The following LIN7C variants were observed in gnomAD, a reference collection of about 807,000 sequenced individuals.
LIN7C encodes the protein protein lin-7 homolog C.
LIN7C carries 17 observed loss-of-function variants against 24.7 expected under a neutral mutation model. The observed-to-expected ratio is 0.69, with a 90% confidence interval of 0.47 to 1.03. The LOEUF is 1.03. LIN7C is among the 50% of genes least tolerant of loss of function. The pLI, the probability that LIN7C is intolerant of heterozygous loss-of-function variation, is 0.00. For missense variants in LIN7C, 204 were observed against 239.0 expected, an observed-to-expected ratio of 0.85 and a Z score of 0.97; for synonymous variants, 90 against 83.4, an observed-to-expected ratio of 1.08 and a Z score of -0.43.
chr11:27,502,818 A>T (rs1024706760), intron 1 of LIN7C, among the ~76,000 whole-genome samples: 1 of 152,252 alleles, frequency 6.6e-6, no homozygotes, highest in Non-Finnish European at 1.5e-5. Flanking sequence ...CCAATTAATC[A>T]TAAGAAATAT....
At chr11:27,506,092 C>G (rs1565115400) in intron 1 of LIN7C, among the ~76,000 whole-genome samples, 1 of 152,200 alleles carries the variant, frequency 6.6e-6, no homozygotes, top group Non-Finnish European at 1.5e-5. Flanking sequence ...AAATGAAAAA[C>G]ACTGCACCTG....
rs767438990 is a variant in LIN7C, at chr11:27,506,733, G to A, written c.20C>T (p.Pro7Leu). Residue 7 changes from proline (P) to leucine (L), a missense_variant, in exon 1 of 5, where the codon CCC becomes CTC. Pro to Leu is a moderately conservative substitution (Grantham distance 98, BLOSUM62 -3). This residue lies in a region of LIN7C where 126 missense variants were observed against 117.8 expected (regional missense o/e 1.07). Transcript: ENST00000278193. ...GCACTCACCTCTCTCCAGCCGCACGGGTTCCCCTAGCGCCGCCATCTTCTC... is the reference window on the plus strand; with the variant it reads ...GCACTCACCTCTCTCCAGCCGCACGAGTTCCCCTAGCGCCGCCATCTTCTC... The part of the protein sequence containing the change: MAALGE[P>L]VRLERDICRA... 1.9e-6 allele frequency: 3 copies of A among 1,614,084 alleles called. No homozygotes were observed. Among genetic ancestry groups the A allele is most frequent in the African/African-American group, 2.7e-5 (2 of 75,028 alleles).
In LIN7C at chr11:27,501,575, G is replaced by C; in HGVS notation, c.157-9C>G. ...TAGACATGTTCATATACCTGTAAAA[G>C]CCAAAGTTATATCTCAGAATATACC... On this transcript the variant is annotated splice_polypyrimidine_tract_variant and intron_variant, in intron 2 of 4. Coordinates refer to ENST00000278193, the MANE Select transcript of LIN7C (RefSeq NM_018362.4). 6.5e-7 allele frequency: 1 copy of C among 1,550,262 alleles called. No individual in the cohort carries two copies. The highest frequency in any genetic ancestry group is 8.7e-7 in the Non-Finnish European group (1 of 1,142,988).
rs1439349550 is a variant in LIN7C at position 27,498,002 on chromosome 11, C to T, written c.*647G>A. ...GATTGTTTCAGTGTTTAAAAACTTACTTTCATAAATCAGTATAAATGAATA... is the reference window on the plus strand; with the variant it reads ...GATTGTTTCAGTGTTTAAAAACTTATTTTCATAAATCAGTATAAATGAATA... On this transcript the variant is annotated 3_prime_UTR_variant, in exon 5 of 5. Transcript: ENST00000278193. The T allele has an allele frequency of 6.6e-6, 1 of 152,050 alleles. No homozygotes were observed. The highest frequency in any genetic ancestry group is 1.5e-5 in the Non-Finnish European group (1 of 67,958). 9.4% of individuals were successfully genotyped at this position (152,050 alleles called of 1,614,324 possible).
intron 1 of LIN7C, among the ~76,000 whole-genome samples, 196 bp from the exon 2 acceptor site, chr11:27,502,116 T>C (rs1489991723): frequency 3.9e-5 from 6 of 152,120 alleles, no homozygotes; most frequent in African/African-American, 9.7e-5. Context: ...GAATGTAAAA[T>C]GTAAGAACAC....
intron 1 of LIN7C, among the ~76,000 whole-genome samples, chr11:27,504,656 T>C (rs1865255695): frequency 6.6e-6 from 1 of 152,210 alleles, no homozygotes; most frequent in African/African-American, 2.4e-5. Context: ...GATCTGCAGA[T>C]GCTCAAGTCT....
chr11:27,506,602 A>C (rs1341905592), intron 1 of LIN7C, 114 bp downstream of exon 1: 18 of 1,249,246 alleles, frequency 1.4e-5, no homozygotes, highest in Non-Finnish European at 2.1e-5. Context: ...TGGCGCCGGC[A>C]CAAGGGACAG....
rs551841533 is a variant in LIN7C, at chr11:27,496,983, A to G, written c.*1666T>C. ...TAAATTAAGTCCATACTTCTATACT[A>G]CTTTGGTCTCAACATTTTTAAAACA... On this transcript the variant is annotated 3_prime_UTR_variant, in exon 5 of 5. Coordinates refer to ENST00000278193, the MANE Select transcript of LIN7C (RefSeq NM_018362.4). 3 of 152,672 alleles carry G rather than the reference A, an allele frequency of 2.0e-5. No homozygotes were observed. In the South Asian group the frequency reaches 6.2e-4, roughly 32 times the overall value. 9.5% of individuals were successfully genotyped at this position (152,672 alleles called of 1,614,324 possible).
chr11:27,505,084 G>A (rs891431786), intron 1 of LIN7C, among the ~76,000 whole-genome samples: 1 of 152,214 alleles, frequency 6.6e-6, no homozygotes, highest in African/African-American at 2.4e-5. Context: ...TGTAATCCTA[G>A]CACTTTGGGA....
At position 27,495,467 on chromosome 11, in the gene LIN7C, T is replaced by G. The variant is rs904004375; in HGVS notation, c.*3182A>C. ...CAGCCTGGGCAACAGAGCAAGACTCTGTCTCAAAAAAAAACAAAAACAAAA... is the reference window on the plus strand; with the variant it reads ...CAGCCTGGGCAACAGAGCAAGACTCGGTCTCAAAAAAAAACAAAAACAAAA... On this transcript the variant is annotated 3_prime_UTR_variant, in exon 5 of 5. Transcript: ENST00000278193. The G allele has an allele frequency of 6.6e-6, 1 of 151,088 alleles. No homozygotes were observed. The highest frequency in any genetic ancestry group is 1.5e-5 in the Non-Finnish European group (1 of 68,026). 9.4% of individuals were successfully genotyped at this position (151,088 alleles called of 1,614,324 possible).
intron 1 of LIN7C, among the ~76,000 whole-genome samples, chr11:27,505,317 G>A (rs1865268247): frequency 6.6e-6 from 1 of 152,216 alleles, no homozygotes; most frequent in Admixed American, 6.5e-5. Context: ...GGGCGACAGA[G>A]CAAGACTACG....
intron 3 of LIN7C, among the ~76,000 whole-genome samples, chr11:27,500,361 A>G (rs1008101917): frequency 6.6e-6 from 1 of 152,236 alleles, no homozygotes; most frequent in African/African-American, 2.4e-5. Flanking sequence ...TTTGTACTAT[A>G]TACTAAATAT....
intron 2 of LIN7C, 71 bp downstream of exon 2, chr11:27,501,731 G>A (rs1201485103): frequency 1.9e-6 from 2 of 1,050,592 alleles, no homozygotes; most frequent in Non-Finnish European, 2.8e-6. Context: ...AAGAAATGTT[G>A]AACCCAAATT....
intron 4 of LIN7C, 88 bp from the exon 5 acceptor site, chr11:27,498,892 TGAA>T (rs757065825): frequency 1.4e-4 from 158 of 1,121,390 alleles, no homozygotes; most frequent in Non-Finnish European, 1.9e-4. Context: ...ATATATATAA[TGAA>T]GAAAAGTTTT....
chr11:27,500,677 T>C (rs1223876518), intron 3 of LIN7C, among the ~76,000 whole-genome samples: 1 of 151,812 alleles, frequency 6.6e-6, no homozygotes, highest in Non-Finnish European at 1.5e-5. Flanking sequence ...AATCAAGATT[T>C]ACTGAATACC....
intron 4 of LIN7C, 134 bp from the exon 5 acceptor site, chr11:27,498,938 G>C: frequency 1.3e-6 from 1 of 752,514 alleles, no homozygotes; most frequent in Non-Finnish European, 2.2e-6. Flanking sequence ...ACAAAACTAA[G>C]AAATAATCCT....
intron 1 of LIN7C, 35 bp downstream of exon 1, chr11:27,506,654 CCAGCGACACAGCACTCCCCCAACCCTT>C: frequency 6.3e-7 from 1 of 1,585,074 alleles, no homozygotes; most frequent in Admixed American, 1.7e-5. Flanking sequence ...CTCCTCCCCT[CCAGCGACACAGCACTCCCCCAACCCTT>C]CCGCCCACCT....
chr11:27,498,874 T>C lies in LIN7C; in HGVS notation c.439-70A>G. ...TTGAAAGTAACTCAAAATGCAAAAA[T>C]GTTTACAATATATATAATGAAGAAA... On this transcript the variant is annotated intron_variant, in intron 4 of 4. Coordinates refer to ENST00000278193, the MANE Select transcript of LIN7C (RefSeq NM_018362.4). 4 of 1,326,170 alleles carry C rather than the reference T, an allele frequency of 3.0e-6. No homozygotes were observed. The East Asian group carries it at 9.3e-5, about 31-fold the overall frequency. 82.2% of individuals were successfully genotyped at this position (1,326,170 alleles called of 1,614,324 possible). A position where few individuals can be genotyped will look rare whatever the true frequency, so the allele number is the denominator to read the frequency against.
At chr11:27,499,649 G>C in intron 3 of LIN7C, 81 bp from the exon 4 acceptor site, 1 of 1,228,412 alleles carries the variant, frequency 8.1e-7, no homozygotes, top group Non-Finnish European at 1.2e-6. Flanking sequence ...CCGAGATGGA[G>C]TCTCGCTCTG....
Sources: gnomAD v4.1 joint callset for allele counts (sites outside exome capture counted in the v4.1 genomes callset) on GRCh38, gnomAD v4.1.1 for gene constraint, gnomAD v4.1.1 regional missense constraint, MANE v1.5 for transcripts, NCBI Gene and HGNC (gene_info 2026-07-23, HGNC 2026-07-21) for gene names.